The following IL17REL variants were observed in gnomAD, a reference collection of about 807,000 sequenced individuals.
IL17REL encodes interleukin 17 receptor E like.
A neutral mutation model predicts 49.0 loss-of-function variants in IL17REL; 36 were observed. The ratio of observed to expected loss-of-function variants is 0.73; its 90% CI spans 0.56 to 0.97. The LOEUF is 0.97. Among genes scored for constraint, IL17REL ranks in the 50% least tolerant of loss-of-function variants. The probability of loss-of-function intolerance (pLI) is 0.00; values close to 1 mark genes in which losing one functional copy is unlikely to be tolerated. For synonymous variants in IL17REL, 206 were observed against 192.4 expected, an observed-to-expected ratio of 1.07 and a Z score of -0.58; for missense variants, 470 against 453.9, an observed-to-expected ratio of 1.04 and a Z score of -0.32.
intron 7 of IL17REL, 47 bp downstream of exon 9, chr22:49,999,244 C>T (rs1035004146): frequency 1.9e-6 from 3 of 1,606,648 alleles, no homozygotes; most frequent in Non-Finnish European, 2.6e-6. Context: ...TCAGACTGGC[C>T]GCAGCCATTC....
intron 1 of IL17REL, among the ~76,000 whole-genome samples, chr22:50,003,318 T>C (rs1254136220): frequency 6.6e-6 from 1 of 151,804 alleles, no homozygotes; most frequent in Admixed American, 6.6e-5. Flanking sequence ...GATCAGGAGT[T>C]TGAGACCAGC....
chr22:49,997,849 C>T, intron 9 of IL17REL, 107 bp from the exon 12 acceptor site: 4 of 1,387,570 alleles, frequency 2.9e-6, no homozygotes, highest in Non-Finnish European at 4.1e-6. Flanking sequence ...GTGCTCTGGG[C>T]CCAGTTCTCC....
At chr22:49,999,843 G>A (rs1171233683) in exon 5 of IL17REL, 2 of 1,517,744 alleles carry the variant, frequency 1.3e-6, no homozygotes, top group African/African-American at 1.4e-5. Flanking sequence ...CAGGGGCGCC[G>A]GCGTCCTCGC....
chr22:50,002,625 G>A (rs2146751357), intron 1 of IL17REL, among the ~76,000 whole-genome samples: 1 of 151,756 alleles, frequency 6.6e-6, no homozygotes, highest in East Asian at 1.9e-4. Context: ...CTCACGAGTA[G>A]TCGGGATTAC....
chr22:50,008,165 AT>A (rs1389883964), intron 1 of IL17REL, among the ~76,000 whole-genome samples: 3 of 152,194 alleles, frequency 2.0e-5, no homozygotes, highest in African/African-American at 4.8e-5. Flanking sequence ...AACACTGTTT[AT>A]TTCTACATGG....
At chr22:49,999,208 C>A in intron 7 of IL17REL, 83 bp downstream of exon 9, 2 of 1,512,038 alleles carry the variant, frequency 1.3e-6, no homozygotes, top group Non-Finnish European at 1.8e-6. Flanking sequence ...TTATCTCATC[C>A]CCCCACGTCA....
At chr22:50,001,135 G>A in exon 2 of IL17REL, 2 of 1,607,018 alleles carry the variant, frequency 1.2e-6, no homozygotes, top group Non-Finnish European at 1.7e-6. Context: ...GCCGTCAGAG[G>A]GGACACACTG....
chr22:50,004,332 G>C (rs188992476), intron 1 of IL17REL, among the ~76,000 whole-genome samples: 1 of 152,298 alleles, frequency 6.6e-6, no homozygotes, highest in African/African-American at 2.4e-5. Context: ...ACCTGCCTCA[G>C]CCTCCCAAAC....
chr22:50,001,389 C>T (rs571255382), intron 1 of IL17REL, among the ~76,000 whole-genome samples, 158 bp from the exon 3 acceptor site: 1 of 152,292 alleles, frequency 6.6e-6, no homozygotes, highest in South Asian at 2.1e-4. Context: ...AGTCCCCTGG[C>T]ATGTGGTGAG....
chr22:49,993,926 T>C (rs977037512), downstream of IL17REL, among the ~76,000 whole-genome samples: 5 of 152,100 alleles, frequency 3.3e-5, no homozygotes, highest in African/African-American at 4.8e-5. This position sits in a 1 kb window ranked among gnomAD's most constrained non-coding sequence, Gnocchi z 6.0. Context: ...ACTTGTTTTC[T>C]GGCTGGGGGC....
At chr22:49,997,822 G>T in intron 9 of IL17REL, 80 bp from the exon 12 acceptor site, 1 of 1,479,522 alleles carries the variant, frequency 6.8e-7, no homozygotes, top group Non-Finnish European at 9.4e-7. Flanking sequence ...ACAGGGACAG[G>T]CTGGGTCAGC....
exon 6 of IL17REL, chr22:49,999,473 G>T: frequency 6.2e-7 from 1 of 1,610,374 alleles, no homozygotes; most frequent in Non-Finnish European, 8.5e-7. Context: ...AGGGCAGGAA[G>T]ACGGCCTGGG....
Position 49,999,359 on chromosome 22 carries a change from T to TA in IL17REL, c.547-15_547-14insT. 1 of 1,612,872 alleles carries TA rather than the reference T, an allele frequency of 6.2e-7. No homozygotes were observed. The highest frequency in any genetic ancestry group is 1.1e-5 in the South Asian group (1 of 91,072). Reference sequence around the variant, plus strand: ...CGCAGACCAGCCCTGTGGGAGGGGCTGGGGTCAGCGCAGCCCACCCATCCC... The same window carrying TA: ...CGCAGACCAGCCCTGTGGGAGGGGCTAGGGGTCAGCGCAGCCCACCCATCCC... On this transcript the variant is annotated splice_polypyrimidine_tract_variant and intron_variant, in intron 6 of 12. Transcript: ENST00000341280.
chr22:49,993,479 G>A (rs6010250), downstream of IL17REL, among the ~76,000 whole-genome samples: 329 of 152,256 alleles, frequency 2.2e-3, 4 homozygotes, highest in African/African-American at 7.7e-3. The surrounding 1 kb of genome is among the most constrained non-coding windows in gnomAD (Gnocchi z 6.0). Flanking sequence ...GCACTGGGCT[G>A]TGGGCGCTCC....
At chr22:49,993,409 T>G (rs1178024843), downstream of IL17REL, among the ~76,000 whole-genome samples, 2 of 150,986 alleles carry the variant, frequency 1.3e-5, no homozygotes, top group African/African-American at 4.9e-5. The surrounding 1 kb of genome is among the most constrained non-coding windows in gnomAD (Gnocchi z 6.0). Context: ...GGTGTGGGGG[T>G]GGGTTTCCGG....
chr22:50,000,704 T>G, intron 3 of IL17REL, 50 bp downstream of exon 4: 1 of 1,530,862 alleles, frequency 6.5e-7, no homozygotes, highest in Middle Eastern at 1.9e-4. Flanking sequence ...CCAGGAGGAG[T>G]GGCGCCCAGT....
In IL17REL at chr22:50,000,023, CTCTG is replaced by C. The variant is rs1045979852; in HGVS notation, c.335-60_335-57del. On this transcript the variant is annotated intron_variant, in intron 4 of 12. Transcript: ENST00000341280. ...GGGACCAGCGGTCACCGACGCGGGG[CTCTG>C]TCTGTCCCGAGAGCCCCGACGTGGT... 2.9e-4 allele frequency: 414 copies of C among 1,417,086 alleles called. 2 individuals are homozygous for C. In the African/African-American group the frequency reaches 5.5e-3, roughly 19 times the overall value. The allele number at this position is 1,417,086 out of a possible 1,614,324, so 87.8% of individuals were successfully genotyped here. A position where few individuals can be genotyped will look rare whatever the true frequency, so the allele number is the denominator to read the frequency against.
intron 1 of IL17REL, among the ~76,000 whole-genome samples, chr22:50,007,172 T>C (rs137858): frequency 0.54 from 82,328 of 151,746 alleles, 22,817 homozygotes; most frequent in South Asian, 0.76. Flanking sequence ...GAATCATTAC[T>C]ATTAATATCA....
intron 1 of IL17REL, among the ~76,000 whole-genome samples, chr22:50,001,606 C>T (rs891941169): frequency 7.2e-5 from 11 of 152,228 alleles, no homozygotes; most frequent in African/African-American, 2.7e-4. Context: ...CCAACACGGG[C>T]TTGCTGGGAC....
Sources: gnomAD v4.1 joint callset for allele counts (sites outside exome capture counted in the v4.1 genomes callset) on GRCh38, gnomAD v4.1.1 for gene constraint, Gnocchi (gnomAD v3.1) non-coding constraint, MANE v1.5 for transcripts, NCBI Gene and HGNC (gene_info 2026-07-23, HGNC 2026-07-21) for gene names.